The following COP1 variants were observed in gnomAD, a reference collection of about 807,000 sequenced individuals.
COP1 encodes E3 ubiquitin-protein ligase COP1.
Under a neutral mutation model 101.3 loss-of-function variants are expected in COP1, and 24 were observed. The ratio of observed to expected loss-of-function variants is 0.24; its 90% CI spans 0.17 to 0.33. The LOEUF is 0.33. COP1 is among the 10% of genes least tolerant of loss of function. The pLI, the probability that COP1 is intolerant of heterozygous loss-of-function variation, is 1.00. For missense variants in COP1, 663 were observed against 906.2 expected (o/e 0.73, Z 3.45); for synonymous variants, 347 against 341.9 (o/e 1.01, Z -0.17).
intron 8 of COP1, among the ~76,000 whole-genome samples, chr1:176,128,078 T>TG (rs898512225): frequency 6.6e-6 from 1 of 152,082 alleles, no homozygotes; most frequent in Admixed American, 6.6e-5. Context: ...AAAATAGGGG[T>TG]GTTTCATTGA....
chr1:176,054,133 C>G (rs1460287769), intron 11 of COP1, among the ~76,000 whole-genome samples: 1 of 151,006 alleles, frequency 6.6e-6, no homozygotes, highest in Non-Finnish European at 1.5e-5. Flanking sequence ...ATTTCCCATA[C>G]CTTCATAATC....
At chr1:176,006,045 A>C (rs1470982327) in intron 15 of COP1, among the ~76,000 whole-genome samples, 3 of 152,188 alleles carry the variant, frequency 2.0e-5, no homozygotes, top group Non-Finnish European at 4.4e-5. Flanking sequence ...TATTGGGTGC[A>C]TATATATTTA....
At chr1:175,951,109 C>A (rs1243161730) in intron 18 of COP1, among the ~76,000 whole-genome samples, 4 of 151,844 alleles carry the variant, frequency 2.6e-5, no homozygotes, top group African/African-American at 7.3e-5. Flanking sequence ...ATTAGCCAGG[C>A]GTGGTGGCAC....
rs529333151 is a variant in COP1 at position 176,088,717 on chromosome 1, C to T, written c.1027-2827G>A. 1.2e-4 allele frequency among the ~76,000 whole-genome samples: 18 copies of T among 152,224 alleles called. No individual in the cohort carries two copies. The South Asian group carries it at 1.5e-3, about 12-fold the overall frequency. ...TAGCTGTAAGAAATATCTATTTGGCCGGGCGCAGTGGCTCGTACCTGTAAT... is the reference window on the plus strand; with the variant it reads ...TAGCTGTAAGAAATATCTATTTGGCTGGGCGCAGTGGCTCGTACCTGTAAT... On this transcript the variant is annotated intron_variant, in intron 9 of 19. Transcript: ENST00000367669.
At chr1:176,113,939 G>A (rs1387504875) in intron 9 of COP1, among the ~76,000 whole-genome samples, 1 of 79,316 alleles carries the variant, frequency 1.3e-5, no homozygotes, top group Non-Finnish European at 2.7e-5. Context: ...CATTGGTCAG[G>A]GTAGGGTTTT....
At position 176,008,689 on chromosome 1, in the gene COP1, A is replaced by T. The variant is rs142269519; in HGVS notation, c.1729+18883T>A. On this transcript the variant is annotated intron_variant, in intron 15 of 19. Coordinates refer to ENST00000367669, the MANE Select transcript of COP1 (RefSeq NM_022457.7). ...GGAAAATACTATGTGGCAACTGTGG[A>T]CTCGGTTCTTCCTCCTGGTTTTCTT... Among the ~76,000 whole-genome samples the T allele has an allele frequency of 5.3e-3, 798 of 151,812 alleles. 5 individuals carry two copies. Among genetic ancestry groups the T allele is most frequent in the African/African-American group, 0.018 (763 of 41,364 alleles).
chr1:176,039,779 T>A (rs1284508994), intron 14 of COP1, among the ~76,000 whole-genome samples: 1 of 152,132 alleles, frequency 6.6e-6, no homozygotes, highest in Non-Finnish European at 1.5e-5. Context: ...GTCAAATAAT[T>A]TTTGACAAGG....
intron 14 of COP1, among the ~76,000 whole-genome samples, chr1:176,030,802 T>TC (rs1668532885): frequency 6.6e-6 from 1 of 152,182 alleles, no homozygotes; most frequent in Non-Finnish European, 1.5e-5. Flanking sequence ...AAGACATGTT[T>TC]CAGTCCTAAC....
At chr1:176,029,005 C>T (rs2149082103) in intron 14 of COP1, among the ~76,000 whole-genome samples, 4 of 151,966 alleles carry the variant, frequency 2.6e-5, no homozygotes, top group Middle Eastern at 6.8e-3. Flanking sequence ...CTGCCCACCT[C>T]AGCCTCACAA....
chr1:176,181,771 A>G (rs1697798022), intron 2 of COP1, among the ~76,000 whole-genome samples: 1 of 151,378 alleles, frequency 6.6e-6, no homozygotes, highest in African/African-American at 2.4e-5. Context: ...AATATCCGGG[A>G]GGTGGAGGTT....
chr1:176,037,338 T>C lies in COP1; in HGVS notation c.1612+5848A>G, dbSNP rs376543162. On this transcript the variant is annotated intron_variant, in intron 14 of 19. Transcript: ENST00000367669. ...AGGAGAATGGCATGAACCTGGGAGG[T>C]GGAGCTTGCAGTGAGCCGAGATCAT... is the stretch of plus-strand genomic sequence containing the variant. 2.7e-3 allele frequency among the ~76,000 whole-genome samples: 395 copies of C among 145,100 alleles called. 3 individuals are homozygous for C. The highest frequency in any genetic ancestry group is 9.7e-3 in the African/African-American group (377 of 39,052).
At position 176,081,221 on chromosome 1, in the gene COP1, T is replaced by C; in HGVS notation, c.1208A>G (p.Asn403Ser). 8 of 1,611,610 alleles carry C rather than the reference T, an allele frequency of 5.0e-6. No homozygotes were observed. In the South Asian group the frequency reaches 6.6e-5, roughly 13 times the overall value. Residue 403 changes from asparagine (N) to serine (S), a missense_variant, in exon 11 of 20, where the codon AAT becomes AGT. Transcript: ENST00000367669. ...QECLSKFTRY[N>S]SVRPLATLSY... ...CAATGTGGCTAAAGGTCGTACTGAA[T>C]TATATCGAGTAAACTTGGACAAGCA...
chr1:176,080,451 A>C (rs923484186), intron 11 of COP1, among the ~76,000 whole-genome samples: 6 of 152,328 alleles, frequency 3.9e-5, no homozygotes, highest in African/African-American at 1.2e-4. Flanking sequence ...AAACAAAAAA[A>C]TACAGCCTAT....
chr1:176,048,356 T>C (rs1671884463), intron 11 of COP1, among the ~76,000 whole-genome samples: 1 of 151,958 alleles, frequency 6.6e-6, no homozygotes, highest in African/African-American at 2.4e-5. Context: ...AAAAAAAAAT[T>C]TATTCAGTTA....
intron 15 of COP1, among the ~76,000 whole-genome samples, chr1:176,005,627 A>G (rs1260453399): frequency 6.6e-6 from 1 of 152,174 alleles, no homozygotes; most frequent in African/African-American, 2.4e-5. Context: ...GTCATTCAGG[A>G]GCAGGTTGTT....
chr1:176,040,463 C>T lies in COP1; in HGVS notation c.1612+2723G>A, dbSNP rs558533517. On this transcript the variant is annotated intron_variant, in intron 14 of 19. Transcript: ENST00000367669. ...TTCCCAAGCGCTGAGACTACCTGTG[C>T]GCACCACCACGCCCAGGTAATTTTT... is the stretch of plus-strand genomic sequence containing the variant. Among the ~76,000 whole-genome samples the T allele has an allele frequency of 6.6e-5, 10 of 152,044 alleles. No homozygotes were observed. In the South Asian group the frequency reaches 1.0e-3, roughly 16 times the overall value.
At chr1:176,109,594 T>TA (rs1465048152) in intron 9 of COP1, among the ~76,000 whole-genome samples, 1 of 151,924 alleles carries the variant, frequency 6.6e-6, no homozygotes, top group African/African-American at 2.4e-5. Flanking sequence ...TACACACCCT[T>TA]AAAAAAAACT....
At chr1:176,041,170 A>C (rs1481944916) in intron 14 of COP1, among the ~76,000 whole-genome samples, 1 of 152,104 alleles carries the variant, frequency 6.6e-6, no homozygotes, top group Non-Finnish European at 1.5e-5. Context: ...TATTTCCAGG[A>C]AAAAAAGGTT....
intron 1 of COP1, among the ~76,000 whole-genome samples, chr1:176,189,895 A>G (rs1203369273): frequency 6.6e-6 from 1 of 151,936 alleles, no homozygotes; most frequent in Non-Finnish European, 1.5e-5. Context: ...CAATTAGAAA[A>G]CTTTAGCAAA....
Sources: allele counts gnomAD v4.1 joint callset (sites outside exome capture counted in the v4.1 genomes callset), GRCh38; gene constraint gnomAD v4.1.1; transcripts MANE v1.5; gene names NCBI Gene and HGNC (gene_info 2026-07-23, HGNC 2026-07-21).